Variants in SYT10 observed in about 807,000 individuals in gnomAD.
The protein encoded by SYT10 is synaptotagmin-10.
A neutral mutation model predicts 51.1 loss-of-function variants in SYT10; 31 were observed. That is an observed-to-expected ratio of 0.61 (90% CI 0.46 to 0.82). SYT10 has a LOEUF of 0.82. Ranked by LOEUF, SYT10 falls within the 40% of genes least tolerant of loss-of-function variation. SYT10 has a pLI of 0.00. For synonymous variants in SYT10, 233 were observed against 225.9 expected (o/e 1.03, Z -0.28); for missense variants, 603 against 634.0 (o/e 0.95, Z 0.53).
intron 3 of SYT10, among the ~76,000 whole-genome samples, chr12:33,389,538 A>G (rs1343026654): frequency 6.6e-6 from 1 of 152,174 alleles, no homozygotes; most frequent in Admixed American, 6.5e-5. Flanking sequence ...AAAAGACATA[A>G]GAGAAAGAGG....
intron 4 of SYT10, among the ~76,000 whole-genome samples, chr12:33,384,538 C>T (rs914328675): frequency 2.0e-5 from 3 of 152,080 alleles, no homozygotes; most frequent in African/African-American, 7.2e-5. Flanking sequence ...GTATTAAATT[C>T]TAAGTAATTA....
chr12:33,423,070 C>A (rs1467876086), intron 2 of SYT10, among the ~76,000 whole-genome samples: 2 of 152,078 alleles, frequency 1.3e-5, no homozygotes, highest in Non-Finnish European at 2.9e-5. Context: ...GGTTGCCTGG[C>A]AGGCTGATAG....
Position 33,375,983 on chromosome 12 carries a change from A to G in SYT10, c.*847T>C, listed in dbSNP as rs1210952488. On this transcript the variant is annotated 3_prime_UTR_variant, in exon 7 of 7. Coordinates refer to ENST00000228567, the MANE Select transcript of SYT10 (RefSeq NM_198992.4). The stretch of plus-strand genomic sequence containing the variant: ...AAAATACATGTCACAGTACTTGAGA[A>G]CCTTACAAACACTTAAAAATTAACT... The G allele has an allele frequency of 6.6e-6, 1 of 152,606 alleles. No individual in the cohort carries two copies. Among genetic ancestry groups the G allele is most frequent in the Non-Finnish European group, 1.5e-5 (1 of 68,008 alleles). The allele number at this position is 152,606 out of a possible 1,614,324, so 9.5% of individuals were successfully genotyped here.
At chr12:33,427,212 T>C (rs1866560366) in intron 1 of SYT10, among the ~76,000 whole-genome samples, 1 of 151,996 alleles carries the variant, frequency 6.6e-6, no homozygotes, top group Non-Finnish European at 1.5e-5. Context: ...ATGAGGGAAG[T>C]CTTCATGAGT....
chr12:33,435,102 TCAAA>T (rs1866627694), intron 1 of SYT10, among the ~76,000 whole-genome samples: 2 of 152,220 alleles, frequency 1.3e-5, no homozygotes, highest in South Asian at 2.1e-4. Flanking sequence ...CAGATGCATC[TCAAA>T]CAATTACCAA....
At chr12:33,389,006 G>A (rs10772075) in intron 3 of SYT10, among the ~76,000 whole-genome samples, 70,005 of 152,068 alleles carry the variant, frequency 0.46, 17,730 homozygotes, top group East Asian at 0.89. Flanking sequence ...TTAACCAAGA[G>A]AAGTATTCCT....
rs1866553095 is a variant in SYT10 at position 33,426,422 on chromosome 12, G to A, written c.225C>T (p.Val75=). The change falls in exon 2 of 7, where the codon GTC becomes GTT. Residue 75 remains valine (V), a synonymous_variant. Coordinates refer to ENST00000228567, the MANE Select transcript of SYT10 (RefSeq NM_198992.4). The part of the protein sequence containing the change: ...GLALLVVSLF[V]FWKLCWPCWK... The stretch of plus-strand genomic sequence containing the variant: ...AGCATGGCCAACACAGCTTCCAGAA[G>A]ACAAAAAGTGAGACAACCAACAAGG... 1 of 1,613,352 alleles carries A rather than the reference G, an allele frequency of 6.2e-7. No individual in the cohort carries two copies. The highest frequency in any genetic ancestry group is 1.7e-4 in the Middle Eastern group (1 of 6,060).
rs764131425 is a variant in SYT10 at position 33,407,050 on chromosome 12, C to T, written c.816G>A (p.Lys272=). The stretch of plus-strand genomic sequence containing the variant: ...TTTTCCTATCTGGAAGAAGATACAT[C>T]TTCACATAAGGGTCAGAAGTTCCTG... The part of the protein sequence containing the change: ...DFTGTSDPYV[K]MYLLPDRKKK... The change falls in exon 3 of 7, where the codon AAG becomes AAA. Residue 272 remains lysine (K), a synonymous_variant. Coordinates refer to ENST00000228567, the MANE Select transcript of SYT10 (RefSeq NM_198992.4). 6.2e-7 allele frequency: 1 copy of T among 1,614,166 alleles called. No homozygotes were observed. Among genetic ancestry groups the T allele is most frequent in the Non-Finnish European group, 8.5e-7 (1 of 1,180,020 alleles).
chr12:33,426,127 TCTTTC>T lies in SYT10; in HGVS notation c.509+6_509+10del. The T allele has an allele frequency of 1.3e-6, 2 of 1,578,068 alleles. No homozygotes were observed. Among genetic ancestry groups the T allele is most frequent in the Non-Finnish European group, 1.7e-6 (2 of 1,166,296 alleles). On this transcript the variant is annotated splice_donor_region_variant and intron_variant, in intron 2 of 6. Transcript: ENST00000228567. ...ACACACACCAGTTTTATATATTTAA[TCTTTC>T]CTTACCGGGTTGATGACGTAGGCTC... is the stretch of plus-strand genomic sequence containing the variant.
At chr12:33,377,007 C>A (rs779251882) in intron 6 of SYT10, 106 bp from the exon 7 acceptor site, 125 of 1,195,924 alleles carry the variant, frequency 1.0e-4, no homozygotes, top group Non-Finnish European at 1.5e-4. Flanking sequence ...ATATGCGAAT[C>A]TCTGAAGAAA....
intron 3 of SYT10, among the ~76,000 whole-genome samples, chr12:33,388,681 G>A (rs572321045): frequency 6.6e-6 from 1 of 152,212 alleles, no homozygotes; most frequent in African/African-American, 2.4e-5. Context: ...ATGAAAAAAG[G>A]GTAACACTGA....
chr12:33,408,568 C>T (rs1190255624), intron 2 of SYT10, among the ~76,000 whole-genome samples: 1 of 152,130 alleles, frequency 6.6e-6, no homozygotes, highest in Admixed American at 6.5e-5. Flanking sequence ...CTTAGTCCCA[C>T]GTCTTTTGTT....
intron 3 of SYT10, among the ~76,000 whole-genome samples, chr12:33,390,926 T>A (rs1044932332): frequency 6.6e-6 from 1 of 151,838 alleles, no homozygotes; most frequent in African/African-American, 2.4e-5. Flanking sequence ...AATTACGTTT[T>A]TTTTTGTTGT....
chr12:33,415,538 G>C (rs2138423230), intron 2 of SYT10, among the ~76,000 whole-genome samples: 1 of 152,150 alleles, frequency 6.6e-6, no homozygotes, highest in Admixed American at 6.5e-5. Flanking sequence ...CTTAGATATT[G>C]CTTAAGAAAT....
Position 33,382,491 on chromosome 12 carries a change from C to T in SYT10, c.1228G>A (p.Glu410Lys), listed in dbSNP as rs1384308689. 6.2e-7 allele frequency: 1 copy of T among 1,612,530 alleles called. No individual in the cohort carries two copies. The highest frequency in any genetic ancestry group is 1.1e-5 in the South Asian group (1 of 90,912). ...DPYVKVSLMCEGRRLKKRKTT... is the reference protein window; with the variant it reads ...DPYVKVSLMCKGRRLKKRKTT... ...TTCCTCTTTTTTAATCTTCGACCTTCACACATCAGGGACACTTTGACATAA... is the reference window on the plus strand; with the variant it reads ...TTCCTCTTTTTTAATCTTCGACCTTTACACATCAGGGACACTTTGACATAA... The change falls in exon 5 of 7, where the codon GAA becomes AAA. Residue 410 changes from glutamate to lysine, a missense_variant. Glu to Lys is a moderately conservative substitution (Grantham distance 56, BLOSUM62 1). Transcript: ENST00000228567.
intron 1 of SYT10, among the ~76,000 whole-genome samples, chr12:33,431,229 C>T (rs1318930492): frequency 2.6e-5 from 4 of 152,148 alleles, no homozygotes; most frequent in Non-Finnish European, 5.9e-5. Context: ...CACATCATTG[C>T]TAACTTCCCA....
rs185887131 is a variant in SYT10, at chr12:33,414,975, C to T, written c.510-7619G>A. Among the ~76,000 whole-genome samples, 394 of 152,272 alleles carry T rather than the reference C, an allele frequency of 2.6e-3. 1 individual carries two copies. Among genetic ancestry groups the T allele is most frequent in the Non-Finnish European group, 3.6e-3 (245 of 68,014 alleles). On this transcript the variant is annotated intron_variant, in intron 2 of 6. Transcript: ENST00000228567. ...AGGCCAGAAGTTGACTATGTAAAGA[C>T]GGAGCTGCTCTGGTTGACATGTGGT...
rs1476833741 is a variant in SYT10 at position 33,405,125 on chromosome 12, T to G, written c.1077+1664A>C. On this transcript the variant is annotated intron_variant, in intron 3 of 6. Transcript: ENST00000228567. ...TATATGTACATAACATACTTTACTT[T>G]TTTATAGAAATGTGTTTGTTGCAAC... 5.3e-5 allele frequency: 8 copies of G among 152,272 alleles called. No individual in the cohort carries two copies. The East Asian group carries it at 1.5e-3, about 29-fold the overall frequency. The allele number at this position is 152,272 out of a possible 1,614,324, so 9.4% of individuals were successfully genotyped here.
intron 1 of SYT10, among the ~76,000 whole-genome samples, chr12:33,428,885 G>A (rs1160162927): frequency 1.4e-5 from 2 of 144,908 alleles, no homozygotes; most frequent in East Asian, 4.4e-4. Context: ...CAGCCTGGGT[G>A]ACAGAGTGAG....
Sources: gnomAD v4.1 joint callset for allele counts (sites outside exome capture counted in the v4.1 genomes callset) on GRCh38, gnomAD v4.1.1 for gene constraint, MANE v1.5 for transcripts, NCBI Gene and HGNC (gene_info 2026-07-23, HGNC 2026-07-21) for gene names.